The following ZNF611 variants were observed in gnomAD, a reference collection of about 807,000 sequenced individuals.
The protein encoded by ZNF611 is zinc finger protein 611.
Under a neutral mutation model 8.9 loss-of-function variants are expected in ZNF611, and 6 were observed. The ratio of observed to expected loss-of-function variants is 0.68; its 90% CI spans 0.37 to 1.34. The LOEUF (loss-of-function observed/expected upper bound fraction) is 1.34. Ranked by LOEUF, ZNF611 falls within the 40% of genes most tolerant of loss-of-function variation. The probability of loss-of-function intolerance (pLI) is 0.02; values close to 1 mark genes in which losing one functional copy is unlikely to be tolerated. For synonymous variants in ZNF611, 262 were observed against 279.7 expected, an observed-to-expected ratio of 0.94 and a Z score of 0.63; for missense variants, 874 against 841.3, an observed-to-expected ratio of 1.04 and a Z score of -0.48.
intron 1 of ZNF611, among the ~76,000 whole-genome samples, chr19:52,733,682 CTT>C (rs1356681467): frequency 1.3e-5 from 2 of 152,002 alleles, no homozygotes; most frequent in African/African-American, 2.4e-5. Flanking sequence ...CTCTCTAGCT[CTT>C]GTTTTCTTTT....
intron 5 of ZNF611, chr19:52,708,062 T>C (rs1433188911): frequency 6.6e-6 from 1 of 152,042 alleles, no homozygotes; most frequent in African/African-American, 2.4e-5. Flanking sequence ...AGCAAATAAG[T>C]ACATTTATAC....
chr19:52,712,996 T>C (rs995166956), intron 5 of ZNF611, among the ~76,000 whole-genome samples: 1 of 152,070 alleles, frequency 6.6e-6, no homozygotes, highest in Admixed American at 6.6e-5. Context: ...GCTATCAAAA[T>C]CAGCCTGGCC....
chr19:52,704,999 C>T lies in ZNF611; in HGVS notation c.2056G>A (p.Ala686Thr). Reference protein sequence around the residue: ...KPYKCNECGKAFNQQSHLSRH... With the variant: ...KPYKCNECGKTFNQQSHLSRH... Reference sequence around the variant, plus strand: ...GAAAGGTGTGATTGTTGATTAAAAGCCTTCCCACATTCATTACACTTGTAA... The same window carrying T: ...GAAAGGTGTGATTGTTGATTAAAAGTCTTCCCACATTCATTACACTTGTAA... Residue 686 changes from alanine to threonine, a missense_variant, in exon 6 of 6, where the codon GCT becomes ACT. Physicochemically the swap from Ala to Thr is moderately conservative, Grantham distance 58 (BLOSUM62 0). Transcript: ENST00000652185. 1 of 1,614,140 alleles carries T rather than the reference C, an allele frequency of 6.2e-7. No homozygotes were observed. Among genetic ancestry groups the T allele is most frequent in the Non-Finnish European group, 8.5e-7 (1 of 1,180,030 alleles).
At chr19:52,716,525 C>G (rs1294493099) in intron 3 of ZNF611, among the ~76,000 whole-genome samples, 3 of 152,180 alleles carry the variant, frequency 2.0e-5, no homozygotes, top group Admixed American at 1.3e-4. Flanking sequence ...AGGATCCAGA[C>G]AGTGGATGAC....
rs2062226826 is a variant in ZNF611, at chr19:52,704,659, C to T, written c.*278G>A. The T allele has an allele frequency of 4.4e-6, 7 of 1,590,152 alleles. No homozygotes were observed. The highest frequency in any genetic ancestry group is 1.3e-5 in the African/African-American group (1 of 74,554). ...ATGATTTGTAATCGTTGTAGCATTA[C>T]TGAAGACTTTGTGACAATCATTACA... On this transcript the variant is annotated 3_prime_UTR_variant, in exon 6 of 6. Transcript: ENST00000652185.
intron 3 of ZNF611, among the ~76,000 whole-genome samples, chr19:52,727,076 G>C (rs1004612611): frequency 1.1e-4 from 17 of 152,006 alleles, no homozygotes; most frequent in Admixed American, 6.6e-5. Context: ...ATGTTGGCCA[G>C]GCTGGTCTAG....
chr19:52,705,539 C>G lies in ZNF611; in HGVS notation c.1516G>C (p.Gly506Arg). ...TCATCACATTTGTAAGGTTGCTCCC[C>G]AGTATGAATTGACTTATGAATTAAA... Reference protein sequence around the residue: ...DLLIHKSIHTGEQPYKCDECE... With the variant: ...DLLIHKSIHTREQPYKCDECE... Residue 506 changes from glycine to arginine, a missense_variant, in exon 6 of 6, where the codon GGG (glycine) becomes CGG (arginine). By Grantham distance (125) the Gly-to-Arg change is moderately radical (BLOSUM62 -2). Transcript: ENST00000652185. 6.2e-7 allele frequency: 1 copy of G among 1,614,070 alleles called. No homozygotes were observed. The highest frequency in any genetic ancestry group is 8.5e-7 in the Non-Finnish European group (1 of 1,180,012).
intron 2 of ZNF611, among the ~76,000 whole-genome samples, chr19:52,729,528 G>GAAAAAGAA (rs2062412956): frequency 1.9e-5 from 2 of 107,348 alleles, no homozygotes; most frequent in Non-Finnish European, 2.0e-5. Flanking sequence ...AGAAAAGAAA[G>GAAAAAGAA]AAAAAGAAAA....
intron 3 of ZNF611, among the ~76,000 whole-genome samples, chr19:52,716,987 T>C (rs930619064): frequency 2.6e-5 from 4 of 151,798 alleles, no homozygotes; most frequent in African/African-American, 4.8e-5. Context: ...GAGCCGAGAT[T>C]GTGCCACTGC....
chr19:52,714,261 A>T, intron 4 of ZNF611, 120 bp from the exon 5 acceptor site: 1 of 1,505,726 alleles, frequency 6.6e-7, no homozygotes, highest in Non-Finnish European at 8.8e-7. Flanking sequence ...TGACAAAAGG[A>T]TGTTAAGGTA....
intron 1 of ZNF611, among the ~76,000 whole-genome samples, chr19:52,730,607 G>A (rs925978159): frequency 3.3e-5 from 5 of 151,622 alleles, no homozygotes; most frequent in Non-Finnish European, 4.4e-5. Context: ...TTTTTGAGAC[G>A]GAGTTTCCCT....
rs186504070 is a variant in ZNF611, at chr19:52,730,450, A to C, written c.-221-445T>G. Among the ~76,000 whole-genome samples the C allele has an allele frequency of 3.7e-3, 555 of 150,026 alleles. 6 individuals carry two copies. Among genetic ancestry groups the C allele is most frequent in the African/African-American group, 0.013 (532 of 40,916 alleles). On this transcript the variant is annotated intron_variant, in intron 1 of 5. Coordinates refer to ENST00000652185, the MANE Select transcript of ZNF611 (RefSeq NM_001161499.2). ...CATGATGTAGGCTCCTTGGTCTGAA[A>C]GATTATATTGGCCAAAAGCGATGTT... is the stretch of plus-strand genomic sequence containing the variant.
Position 52,705,585 on chromosome 19 carries a change from G to A in ZNF611, c.1470C>T (p.Thr490=), listed in dbSNP as rs574957132. Residue 490 remains threonine (T), a synonymous_variant, in exon 6 of 6, where the codon ACC becomes ACT. Coordinates refer to ENST00000652185, the MANE Select transcript of ZNF611 (RefSeq NM_001161499.2). ...KPYKCNECGK[T]FGQNSDLLIH... ...TTAAAAGATCTGAATTTTGACCAAA[G>A]GTCTTCCCACATTCATTACACTTGT... is the stretch of plus-strand genomic sequence containing the variant. 126 of 1,613,446 alleles carry A rather than the reference G, an allele frequency of 7.8e-5. No individual in the cohort carries two copies. The South Asian group carries it at 1.0e-3, about 13-fold the overall frequency.
intron 1 of ZNF611, among the ~76,000 whole-genome samples, chr19:52,732,217 C>G (rs781232979): frequency 6.6e-5 from 10 of 152,158 alleles, no homozygotes; most frequent in Non-Finnish European, 1.3e-4. Context: ...TTGCAGTGAG[C>G]TGAGATCGTG....
In ZNF611 at chr19:52,704,635, T is replaced by A. The variant is rs1387443902; in HGVS notation, c.*302A>T. On this transcript the variant is annotated 3_prime_UTR_variant, in exon 6 of 6. Transcript: ENST00000652185. ...TCTCTCTTCATTATGGATTCTCCAA[T>A]GATTTGTAATCGTTGTAGCATTACT... 2.8e-5 allele frequency: 44 copies of A among 1,588,162 alleles called. No homozygotes were observed. The South Asian group carries it at 4.3e-4, about 16-fold the overall frequency.
At chr19:52,715,982 G>T (rs1002072278) in intron 3 of ZNF611, 69 bp from the exon 4 acceptor site, 1 of 1,562,082 alleles carries the variant, frequency 6.4e-7, no homozygotes, top group Non-Finnish European at 8.7e-7. Context: ...AAAAACACAC[G>T]AACGGGGGAG....
Position 52,705,214 on chromosome 19 carries a change from C to T in ZNF611, c.1841G>A (p.Arg614Lys). ...SRRSSLHCHR[R>K]LHSGEKPYKC... ...GTAAGGTTTCTCACCACTATGAAGT[C>T]TACGATGGCAATGAAGGGATGACCT... is the stretch of plus-strand genomic sequence containing the variant. Residue 614 changes from arginine (R) to lysine (K), a missense_variant, in exon 6 of 6, where the codon AGA (arginine) becomes AAA (lysine). Arg to Lys is a conservative substitution (Grantham distance 26). Transcript: ENST00000652185. 6.2e-7 allele frequency: 1 copy of T among 1,614,188 alleles called. No individual in the cohort carries two copies. Among genetic ancestry groups the T allele is most frequent in the East Asian group, 2.2e-5 (1 of 44,876 alleles).
chr19:52,712,681 G>T (rs530455647), intron 5 of ZNF611, among the ~76,000 whole-genome samples: 108 of 151,682 alleles, frequency 7.1e-4, no homozygotes, highest in Non-Finnish European at 1.2e-3. Context: ...TAGACATATG[G>T]TTTTGCCACA....
intron 5 of ZNF611, among the ~76,000 whole-genome samples, chr19:52,709,862 C>T (rs368203232): frequency 2.8e-4 from 42 of 152,140 alleles, no homozygotes; most frequent in Middle Eastern, 3.4e-3. Context: ...CCACCATGCC[C>T]GGCAAAGACT....
Sources: gnomAD v4.1 joint callset for allele counts (sites outside exome capture counted in the v4.1 genomes callset) on GRCh38, gnomAD v4.1.1 for gene constraint, MANE v1.5 for transcripts, NCBI Gene and HGNC (gene_info 2026-07-23, HGNC 2026-07-21) for gene names.